Variants in PDPK1 observed in about 807,000 individuals in gnomAD.
PDPK1 encodes 3-phosphoinositide dependent protein kinase 1.
In PDPK1, 7 loss-of-function variants were observed where a neutral mutation model predicts 39.8. The ratio of observed to expected loss-of-function variants is 0.18; its 90% CI spans 0.10 to 0.33. The LOEUF (loss-of-function observed/expected upper bound fraction) is 0.33. PDPK1 is among the 10% of genes least tolerant of loss of function. The pLI is 1.00. For synonymous variants in PDPK1, 118 were observed against 159.1 expected (o/e 0.74, Z 1.95); for missense variants, 182 against 384.7 (o/e 0.47, Z 4.41).
chr16:2,601,527 A>G lies in PDPK1; in HGVS notation c.*3760A>G, dbSNP rs1372349261. 1 of 234,506 alleles carries G rather than the reference A, an allele frequency of 4.3e-6. No individual in the cohort carries two copies. The highest frequency in any genetic ancestry group is 8.5e-6 in the Non-Finnish European group (1 of 117,930). 14.5% of individuals were successfully genotyped at this position (234,506 alleles called of 1,614,324 possible). A position where few individuals can be genotyped will look rare whatever the true frequency, so the allele number is the denominator to read the frequency against. On this transcript the variant is annotated 3_prime_UTR_variant, in exon 14 of 14. Transcript: ENST00000342085. ...ATTTGCATCTGCACAGTCAGCAGAG[A>G]TAACAAGTGTTGAACTGACCTTGCC...
intron 1 of PDPK1, among the ~76,000 whole-genome samples, chr16:2,540,547 G>A (rs1482583248): frequency 2.0e-5 from 3 of 152,304 alleles, no homozygotes; most frequent in East Asian, 3.9e-4. Flanking sequence ...ACTCTGTAAG[G>A]AAATCTTCAG....
Position 2,597,427 on chromosome 16 carries a change from TCAGTC to T in PDPK1, c.1554+154_1554+158del. The stretch of plus-strand genomic sequence containing the variant: ...CATCCCAGACGCCCACACTAGTGGC[TCAGTC>T]CTGAGGGGGCAGGGGACACCCTGTG... On this transcript the variant is annotated intron_variant, in intron 13 of 13. Coordinates refer to ENST00000342085, the MANE Select transcript of PDPK1 (RefSeq NM_002613.5). This position sits in a 1 kb window ranked among gnomAD's most constrained non-coding sequence, Gnocchi z 6.3. 2 of 784,600 alleles carry T rather than the reference TCAGTC, an allele frequency of 2.5e-6. No homozygotes were observed. The highest frequency in any genetic ancestry group is 4.2e-6 in the Non-Finnish European group (2 of 473,822). The allele number at this position is 784,600 out of a possible 1,614,324, so 48.6% of individuals were successfully genotyped here.
At chr16:2,538,839 T>C in intron 1 of PDPK1, 1 of 1,098,558 alleles carries the variant, frequency 9.1e-7, no homozygotes. Context: ...GCTAAAAGTG[T>C]CGCTGGTGTT....
At chr16:2,544,644 C>T (rs1355249294) in intron 1 of PDPK1, among the ~76,000 whole-genome samples, 19 of 151,840 alleles carry the variant, frequency 1.3e-4, no homozygotes, top group African/African-American at 3.4e-4. Flanking sequence ...AGTGCAGTGG[C>T]GCGATCTCGG....
intron 1 of PDPK1, among the ~76,000 whole-genome samples, chr16:2,542,251 A>G (rs1359870043): frequency 3.9e-5 from 6 of 152,148 alleles, no homozygotes; most frequent in Non-Finnish European, 8.8e-5. Flanking sequence ...CCTCCGCCTC[A>G]TGGGTTCAAG....
At chr16:2,546,658 T>G (rs1367572983) in intron 1 of PDPK1, among the ~76,000 whole-genome samples, 1 of 152,186 alleles carries the variant, frequency 6.6e-6, no homozygotes, top group African/African-American at 2.4e-5. Context: ...AACCTTAAGC[T>G]GCTTTTCCTT....
rs112513329 is a variant in PDPK1 at position 2,595,954 on chromosome 16, A to G, written c.1401+104A>G. On this transcript the variant is annotated intron_variant, in intron 12 of 13. Transcript: ENST00000342085. Reference sequence around the variant, plus strand: ...TGGCGTGGAATCCTTCCATCTCTTGATTTTCATCAGACATCATCTCTAGAT... The same window carrying G: ...TGGCGTGGAATCCTTCCATCTCTTGGTTTTCATCAGACATCATCTCTAGAT... The G allele has an allele frequency of 4.2e-3, 3,650 of 859,984 alleles. 89 individuals carry two copies. The African/African-American group carries it at 0.053, about 12-fold the overall frequency. The allele number at this position is 859,984 out of a possible 1,614,324, so 53.3% of individuals were successfully genotyped here.
chr16:2,597,999 G>A lies in PDPK1; in HGVS notation c.*232G>A. On this transcript the variant is annotated 3_prime_UTR_variant, in exon 14 of 14. Coordinates refer to ENST00000342085, the MANE Select transcript of PDPK1 (RefSeq NM_002613.5). This position sits in a 1 kb window ranked among gnomAD's most constrained non-coding sequence, Gnocchi z 6.3. ...TTCAGGGTCGCTTTGCTTGCTCTCT[G>A]TGCTCCGTGGAGGCCTCCGTGTGCC... 1 of 553,626 alleles carries A rather than the reference G, an allele frequency of 1.8e-6. No homozygotes were observed. The highest frequency in any genetic ancestry group is 3.2e-6 in the Non-Finnish European group (1 of 310,028). 34.3% of individuals were successfully genotyped at this position (553,626 alleles called of 1,614,324 possible).
In PDPK1 at chr16:2,597,546, G is replaced by A. The variant is rs1230050327; in HGVS notation, c.1555-105G>A. ...TTGTGTGAATAACCGTCACACCCAC[G>A]TGCTTTCAGGACTCGGAATGGCTGG... On this transcript the variant is annotated intron_variant, in intron 13 of 13. Coordinates refer to ENST00000342085, the MANE Select transcript of PDPK1 (RefSeq NM_002613.5). This position sits in a 1 kb window ranked among gnomAD's most constrained non-coding sequence, Gnocchi z 6.3. 1.1e-5 allele frequency: 9 copies of A among 840,574 alleles called. No homozygotes were observed. The highest frequency in any genetic ancestry group is 1.7e-5 in the African/African-American group (1 of 60,202). 52.1% of individuals were successfully genotyped at this position (840,574 alleles called of 1,614,324 possible).
intron 1 of PDPK1, among the ~76,000 whole-genome samples, chr16:2,553,065 G>A (rs2066445880): frequency 6.8e-6 from 1 of 146,606 alleles, no homozygotes; most frequent in Middle Eastern, 3.4e-3. Flanking sequence ...AAAGCCCAGT[G>A]ATCAGGTCAT....
chr16:2,590,882 A>C (rs2066975755), intron 11 of PDPK1, among the ~76,000 whole-genome samples: 1 of 152,154 alleles, frequency 6.6e-6, no homozygotes, highest in African/African-American at 2.4e-5. Context: ...TGCTGGGCTG[A>C]AGCATTCCTC....
chr16:2,601,385 C>T lies in PDPK1; in HGVS notation c.*3618C>T, dbSNP rs1190581503. On this transcript the variant is annotated 3_prime_UTR_variant, in exon 14 of 14. Coordinates refer to ENST00000342085, the MANE Select transcript of PDPK1 (RefSeq NM_002613.5). ...GCCGATTTTTTCCAAGAGCCAATTT[C>T]CTTGTTTTGGTTGCAAGAACCTGGC... The T allele has an allele frequency of 4.3e-6, 1 of 234,732 alleles. No homozygotes were observed. The highest frequency in any genetic ancestry group is 8.5e-6 in the Non-Finnish European group (1 of 117,988). 14.5% of individuals were successfully genotyped at this position (234,732 alleles called of 1,614,324 possible).
intron 11 of PDPK1, among the ~76,000 whole-genome samples, chr16:2,589,392 C>T (rs981689937): frequency 2.3e-4 from 35 of 152,056 alleles, no homozygotes; most frequent in African/African-American, 8.0e-4. Context: ...TTCCTTGTGC[C>T]TACATGAGAA....
At chr16:2,584,846 A>C (rs1474243964) in intron 10 of PDPK1, among the ~76,000 whole-genome samples, 1 of 152,218 alleles carries the variant, frequency 6.6e-6, no homozygotes, top group Non-Finnish European at 1.5e-5. Context: ...GGCCACCTGC[A>C]GCTTTCATGT....
chr16:2,577,355 GACACC>G (rs2066733320), intron 6 of PDPK1, 65 bp from the exon 7 acceptor site: 23 of 741,622 alleles, frequency 3.1e-5, no homozygotes, highest in Non-Finnish European at 5.6e-5. Flanking sequence ...CGCCATGTGC[GACACC>G]CACCGCGCAG....
In PDPK1 at chr16:2,598,090, C is replaced by T. The variant is rs1478123899; in HGVS notation, c.*323C>T. On this transcript the variant is annotated 3_prime_UTR_variant, in exon 14 of 14. Coordinates refer to ENST00000342085, the MANE Select transcript of PDPK1 (RefSeq NM_002613.5). Reference sequence around the variant, plus strand: ...GTCCCGCCCAGACTAGTGGACAGACCTGGTGTCACCAGTTTTTCCTAGCAT... The same window carrying T: ...GTCCCGCCCAGACTAGTGGACAGACTTGGTGTCACCAGTTTTTCCTAGCAT... The T allele has an allele frequency of 1.3e-5, 5 of 381,810 alleles. No homozygotes were observed. In the Admixed American group the frequency reaches 2.2e-4, roughly 17 times the overall value. The allele number at this position is 381,810 out of a possible 1,614,324, so 23.7% of individuals were successfully genotyped here. A position where few individuals can be genotyped will look rare whatever the true frequency, so the allele number is the denominator to read the frequency against.
chr16:2,593,182 C>T lies in PDPK1; in HGVS notation c.1344-2611C>T, dbSNP rs1005813706. On this transcript the variant is annotated intron_variant, in intron 11 of 13. Transcript: ENST00000342085. This position sits in a 1 kb window ranked among gnomAD's most constrained non-coding sequence, Gnocchi z 4.2. Reference sequence around the variant, plus strand: ...GCATGCCCAGATGATCAGGGTGGAGCGGCCCAGCTCAATGTCTTCATTTAG... The same window carrying T: ...GCATGCCCAGATGATCAGGGTGGAGTGGCCCAGCTCAATGTCTTCATTTAG... 2.3e-6 allele frequency: 1 copy of T among 428,950 alleles called. No individual in the cohort carries two copies. Among genetic ancestry groups the T allele is most frequent in the Non-Finnish European group, 4.6e-6 (1 of 216,086 alleles). The allele number at this position is 428,950 out of a possible 1,614,324, so 26.6% of individuals were successfully genotyped here. A position where few individuals can be genotyped will look rare whatever the true frequency, so the allele number is the denominator to read the frequency against.
chr16:2,543,868 C>T (rs1371682236), intron 1 of PDPK1, among the ~76,000 whole-genome samples: 8 of 151,202 alleles, frequency 5.3e-5, no homozygotes, highest in African/African-American at 1.7e-4. Flanking sequence ...ATTACAGGCA[C>T]GTGCCACCGC....
rs2067122768 is a variant in PDPK1 at position 2,597,283 on chromosome 16, TG to T, written c.1554+9del. ...ACTTTCTTTGTCCACACGGTGAGTC[TG>T]TTCCCAGGGATTTCTGTGTGCAGGG... On this transcript the variant is annotated intron_variant, in intron 13 of 13. Coordinates refer to ENST00000342085, the MANE Select transcript of PDPK1 (RefSeq NM_002613.5). The surrounding 1 kb of genome is among the most constrained non-coding windows in gnomAD (Gnocchi z 6.3). The T allele has an allele frequency of 7.0e-6, 11 of 1,572,518 alleles. 1 individual carries two copies. Among genetic ancestry groups the T allele is most frequent in the Non-Finnish European group, 9.6e-6 (11 of 1,150,438 alleles).
Sources: gnomAD v4.1 joint callset for allele counts (sites outside exome capture counted in the v4.1 genomes callset) on GRCh38, gnomAD v4.1.1 for gene constraint, Gnocchi (gnomAD v3.1) non-coding constraint, MANE v1.5 for transcripts, NCBI Gene and HGNC (gene_info 2026-07-23, HGNC 2026-07-21) for gene names.